CDK12: variants seen among roughly 807,000 people sequenced by gnomAD.
CDK12 encodes cyclin dependent kinase 12, also known as cyclin-dependent kinase 12.
Under a neutral mutation model 133.8 loss-of-function variants are expected in CDK12, and 17 were observed. The ratio of observed to expected loss-of-function variants is 0.13; its 90% CI spans 0.09 to 0.19. The LOEUF is 0.19. Among genes scored for constraint, CDK12 ranks in the 10% least tolerant of loss-of-function variants. CDK12 has a pLI of 1.00. For missense variants in CDK12, 1,508 were observed against 1,818.7 expected, an observed-to-expected ratio of 0.83 and a Z score of 3.11; for synonymous variants, 694 against 683.6, an observed-to-expected ratio of 1.02 and a Z score of -0.24.
chr17:39,499,215 T>TCTTTCTTTC (rs2052519452), intron 5 of CDK12, among the ~76,000 whole-genome samples: 1 of 104,832 alleles, frequency 9.5e-6, no homozygotes, highest in Non-Finnish European at 1.9e-5. Flanking sequence ...TTCCTTTTTT[T>TCTTTCTTTC]TTTTTTTTTG....
At chr17:39,509,676 T>G in intron 6 of CDK12, 29 bp from the exon 7 acceptor site, 1 of 1,579,514 alleles carries the variant, frequency 6.3e-7, no homozygotes, top group African/African-American at 1.3e-5. Context: ...TGCTATGGCT[T>G]ATGAAAATAA....
upstream of CDK12, chr17:39,550,185 C>T (rs1240194818): frequency 1.3e-5 from 2 of 152,108 alleles, no homozygotes; most frequent in Non-Finnish European, 2.9e-5. Context: ...CAACATGAGA[C>T]AATCTGATAT....
intron 2 of CDK12, among the ~76,000 whole-genome samples, chr17:39,552,448 T>C (rs1434123991): frequency 6.6e-6 from 1 of 152,162 alleles, no homozygotes. Flanking sequence ...GTATGGTTTG[T>C]AGGATTTATT....
At chr17:39,488,237 A>C (rs2051294104) in intron 2 of CDK12, among the ~76,000 whole-genome samples, 1 of 151,934 alleles carries the variant, frequency 6.6e-6, no homozygotes, top group South Asian at 2.1e-4. Flanking sequence ...CTGTCTCAAA[A>C]AAAAAAAAAG....
chr17:39,513,213 T>C (rs760335411), intron 8 of CDK12, among the ~76,000 whole-genome samples: 20 of 152,220 alleles, frequency 1.3e-4, no homozygotes, highest in Non-Finnish European at 2.2e-4. Context: ...TTGTATCTTA[T>C]GTTGTATGAT....
At position 39,524,729 on chromosome 17, in the gene CDK12, C is replaced by T. The variant is rs2146687130; in HGVS notation, c.3151C>T (p.Arg1051Ter). 6.2e-7 allele frequency: 1 copy of T among 1,614,190 alleles called. No homozygotes were observed. The highest frequency in any genetic ancestry group is 8.5e-7 in the Non-Finnish European group (1 of 1,180,032). The change falls in exon 12 of 14, where the codon CGA becomes TGA. Residue 1051 changes from arginine to a stop codon, truncating the protein, a stop_gained. Coordinates refer to ENST00000447079, the MANE Select transcript of CDK12 (RefSeq NM_016507.4). LOFTEE classifies it high-confidence loss of function. ...ELWSKKRRRQ[R>*]QSGVVVEEPP... ...GTGGAGTAAGAAACGGCGACGTCAG[C>T]GACAAAGTGGTGTTGTAGTCGAAGA...
At chr17:39,506,360 G>T (rs937771891) in intron 6 of CDK12, among the ~76,000 whole-genome samples, 2 of 151,620 alleles carry the variant, frequency 1.3e-5, no homozygotes, top group African/African-American at 4.9e-5. Flanking sequence ...GAATACAGGC[G>T]CATGCCACCA....
intron 6 of CDK12, among the ~76,000 whole-genome samples, chr17:39,509,329 C>CT (rs1273433904): frequency 2.0e-5 from 3 of 152,070 alleles, no homozygotes; most frequent in Admixed American, 6.6e-5. Flanking sequence ...CAAATCATTT[C>CT]TTTTTTTTCC....
At chr17:39,505,123 G>A (rs1012442103) in intron 6 of CDK12, among the ~76,000 whole-genome samples, 13 of 151,500 alleles carry the variant, frequency 8.6e-5, no homozygotes, top group African/African-American at 3.2e-4. Flanking sequence ...CAGCTACTTG[G>A]GAGGCTGAGG....
At chr17:39,468,271 C>T (rs942715212) in intron 1 of CDK12, among the ~76,000 whole-genome samples, 2 of 152,122 alleles carry the variant, frequency 1.3e-5, no homozygotes, top group Admixed American at 6.6e-5. Flanking sequence ...AGAAAATCAT[C>T]GCTGCCATTA....
At chr17:39,507,308 C>T (rs1316040237) in intron 6 of CDK12, among the ~76,000 whole-genome samples, 1 of 150,840 alleles carries the variant, frequency 6.6e-6, no homozygotes. Context: ...TATCAGCGGC[C>T]GGGCGCGGTG....
In CDK12 at chr17:39,532,134, CTCTCTCT is replaced by C. The variant is rs1365242070; in HGVS notation, c.*819_*825del. ...TCTCTCTCTCTCTCTCTCTCTCTCT[CTCTCTCT>C]CTGTCTCGCTTGCTCGCTCTCGCTG... On this transcript the variant is annotated 3_prime_UTR_variant, in exon 14 of 14. Coordinates refer to ENST00000447079, the MANE Select transcript of CDK12 (RefSeq NM_016507.4). 4 of 195,162 alleles carry C rather than the reference CTCTCTCT, an allele frequency of 2.0e-5. No homozygotes were observed. The highest frequency in any genetic ancestry group is 4.0e-5 in the Non-Finnish European group (4 of 99,776). 12.1% of individuals were successfully genotyped at this position (195,162 alleles called of 1,614,324 possible). A position where few individuals can be genotyped will look rare whatever the true frequency, so the allele number is the denominator to read the frequency against.
chr17:39,544,849 C>G (rs1176924035), upstream of CDK12, among the ~76,000 whole-genome samples: 1 of 151,972 alleles, frequency 6.6e-6, no homozygotes, highest in Non-Finnish European at 1.5e-5. Context: ...AGGCTGGTCT[C>G]CAACTCCCGA....
chr17:39,536,463 T>A (rs181308392), downstream of CDK12, among the ~76,000 whole-genome samples: 6 of 152,200 alleles, frequency 3.9e-5, no homozygotes, highest in East Asian at 7.7e-4. Flanking sequence ...GTACAAAAGA[T>A]TATTTTGTAC....
Position 39,501,419 on chromosome 17 carries a change from T to C in CDK12, c.2589T>C (p.Ser863=), listed in dbSNP as rs2052710237. 2 of 1,610,790 alleles carry C rather than the reference T, an allele frequency of 1.2e-6. No homozygotes were observed. The highest frequency in any genetic ancestry group is 8.5e-7 in the Non-Finnish European group (1 of 1,178,880). ...KNFLHRDIKC[S]NILLNNSGQI... is the part of the protein sequence containing the mutation. ...TCCTGCATCGGGATATTAAGTGTTCTAACATTTTGCTGAATAACAGGTAAC... is the reference window on the plus strand; with the variant it reads ...TCCTGCATCGGGATATTAAGTGTTCCAACATTTTGCTGAATAACAGGTAAC... The change falls in exon 6 of 14, where the codon TCT becomes TCC. Residue 863 remains serine, a synonymous_variant. Coordinates refer to ENST00000447079, the MANE Select transcript of CDK12 (RefSeq NM_016507.4).
At chr17:39,464,499 G>A (rs1422473378) in intron 1 of CDK12, among the ~76,000 whole-genome samples, 1 of 151,514 alleles carries the variant, frequency 6.6e-6, no homozygotes, top group African/African-American at 2.4e-5. Context: ...CAAAGTGCTG[G>A]GATTACAGGC....
At position 39,519,938 on chromosome 17, in the gene CDK12, C is replaced by G; in HGVS notation, c.2964-18C>G. ...TAGGGTCATTGTGAACTTGTCCTTTCTGTGTTCTTTTCCATAGCATTCCTT... is the reference window on the plus strand; with the variant it reads ...TAGGGTCATTGTGAACTTGTCCTTTGTGTGTTCTTTTCCATAGCATTCCTT... On this transcript the variant is annotated intron_variant, in intron 10 of 13. Coordinates refer to ENST00000447079, the MANE Select transcript of CDK12 (RefSeq NM_016507.4). 6.2e-7 allele frequency: 1 copy of G among 1,613,422 alleles called. No homozygotes were observed. Among genetic ancestry groups the G allele is most frequent in the South Asian group, 1.1e-5 (1 of 91,056 alleles).
chr17:39,517,403 A>T (rs2146506029), intron 9 of CDK12, 37 bp from the exon 10 acceptor site: 1 of 1,155,626 alleles, frequency 8.7e-7, no homozygotes, highest in Non-Finnish European at 1.3e-6. Context: ...ATGTTGACTC[A>T]CTCACTCCAT....
intron 6 of CDK12, among the ~76,000 whole-genome samples, chr17:39,506,032 G>T (rs1304775186): frequency 6.6e-6 from 1 of 152,096 alleles, no homozygotes; most frequent in Non-Finnish European, 1.5e-5. Flanking sequence ...CTAAGTAAGT[G>T]TAAGAGGGTA....
Sources: allele counts gnomAD v4.1 joint callset (sites outside exome capture counted in the v4.1 genomes callset), GRCh38; gene constraint gnomAD v4.1.1; transcripts MANE v1.5; gene names NCBI Gene and HGNC (gene_info 2026-07-23, HGNC 2026-07-21).